Variants in CDH23 observed in about 807,000 individuals in gnomAD.
The protein encoded by CDH23 is cadherin-23.
A neutral mutation model predicts 317.1 loss-of-function variants in CDH23; 189 were observed. The observed-to-expected ratio is 0.60, with a 90% CI of 0.53 to 0.67. The LOEUF (loss-of-function observed/expected upper bound fraction) is 0.67. Among genes scored for constraint, CDH23 ranks in the 30% least tolerant of loss-of-function variants. CDH23 has a pLI of 0.00. For synonymous variants in CDH23, 1,839 were observed against 1,876.8 expected (o/e 0.98, Z 0.52); for missense variants, 4,401 against 4,592.4 (o/e 0.96, Z 1.20).
intron 24 of CDH23, among the ~76,000 whole-genome samples, 158 bp from the exon 25 acceptor site, chr10:71,704,753 G>A (rs1027143277): frequency 6.6e-6 from 1 of 152,192 alleles, no homozygotes; most frequent in African/African-American, 2.4e-5. Flanking sequence ...CTGGGAGGGT[G>A]CCCTGGGGAC....
chr10:71,598,035 A>C (rs945963329), intron 9 of CDH23, among the ~76,000 whole-genome samples: 4 of 152,228 alleles, frequency 2.6e-5, no homozygotes, highest in Non-Finnish European at 5.9e-5. Context: ...AGCCTTGCCA[A>C]CTTGGCAGCT....
chr10:71,716,623 CA>C (rs1236738681), intron 28 of CDH23: 6 of 351,936 alleles, frequency 1.7e-5, no homozygotes, highest in African/African-American at 1.1e-4. Flanking sequence ...GGCCTGTCCG[CA>C]TTTTCAAATC....
chr10:71,569,195 AC>A (rs1218896946), intron 7 of CDH23, among the ~76,000 whole-genome samples: 1 of 151,948 alleles, frequency 6.6e-6, no homozygotes, highest in African/African-American at 2.4e-5. Context: ...CTGCTTCCAG[AC>A]CTTCCTCTCC....
chr10:71,706,154 C>T (rs1396636563), intron 25 of CDH23, among the ~76,000 whole-genome samples: 1 of 152,178 alleles, frequency 6.6e-6, no homozygotes, highest in Non-Finnish European at 1.5e-5. Context: ...CTGGTGATAC[C>T]ATTCAGAGGA....
intron 6 of CDH23, among the ~76,000 whole-genome samples, chr10:71,520,231 G>A (rs944915988): frequency 6.6e-6 from 1 of 152,198 alleles, no homozygotes; most frequent in African/African-American, 2.4e-5. Context: ...GGCATTGGTG[G>A]TCAGGAAACT....
intron 45 of CDH23, among the ~76,000 whole-genome samples, chr10:71,789,260 C>T (rs938086330): frequency 6.6e-6 from 1 of 152,188 alleles, no homozygotes; most frequent in African/African-American, 2.4e-5. Context: ...AAGAGACAGT[C>T]GTGGTCATTG....
chr10:71,524,354 A>G (rs920713937), intron 6 of CDH23, among the ~76,000 whole-genome samples: 2 of 152,114 alleles, frequency 1.3e-5, no homozygotes, highest in African/African-American at 2.4e-5. Context: ...GAGGAATTCC[A>G]TGAACCAGCC....
intron 6 of CDH23, among the ~76,000 whole-genome samples, chr10:71,566,499 T>C (rs1857407344): frequency 6.6e-6 from 1 of 150,636 alleles, no homozygotes; most frequent in Non-Finnish European, 1.5e-5. Flanking sequence ...GAACTCTAGG[T>C]TAAGCAAATC....
chr10:71,789,154 G>A (rs1841178169), intron 45 of CDH23, 112 bp downstream of exon 45: 3 of 622,374 alleles, frequency 4.8e-6, no homozygotes, highest in Non-Finnish European at 8.6e-6. Context: ...AGACCCCAGT[G>A]GGTGCGGGAG....
rs767052814 is a variant in CDH23, at chr10:71,810,551, G to A, written c.9059G>A (p.Arg3020His). 2.2e-5 allele frequency: 35 copies of A among 1,613,706 alleles called. No individual in the cohort carries two copies. Among genetic ancestry groups the A allele is most frequent in the Middle Eastern group, 1.6e-4 (1 of 6,082 alleles). The change falls in exon 62 of 70, where the codon CGC (arginine) becomes CAC (histidine). Residue 3020 changes from arginine to histidine, a missense_variant. Transcript: ENST00000224721. ...LIHVVNRDTNRILDVDRVIQM... is the reference protein window; with the variant it reads ...LIHVVNRDTNHILDVDRVIQM... ...CACGTGGTGAACCGCGATACCAACC[G>A]CATCCTGGACGTGGACCGGTGAGTC...
chr10:71,737,851 G>T, intron 34 of CDH23: 1 of 459,324 alleles, frequency 2.2e-6, no homozygotes. Context: ...ATATGCTCTT[G>T]CGTGCCATTT....
chr10:71,774,095 G>A lies in CDH23; in HGVS notation c.4846-3585G>A, dbSNP rs149038388. On this transcript the variant is annotated intron_variant, in intron 38 of 69. Coordinates refer to ENST00000224721, the MANE Select transcript of CDH23 (RefSeq NM_022124.6). ...CACACACACACACACACACAGAACA[G>A]GTGCAGGACTACACGCCAAGATCAG... 6.7e-4 allele frequency among the ~76,000 whole-genome samples: 100 copies of A among 149,332 alleles called. 1 individual carries two copies. Among genetic ancestry groups the A allele is most frequent in the African/African-American group, 1.8e-3 (73 of 40,248 alleles).
chr10:71,756,967 C>T (rs1482532442), intron 38 of CDH23, among the ~76,000 whole-genome samples: 1 of 152,264 alleles, frequency 6.6e-6, no homozygotes. Context: ...CCCACTGGTA[C>T]AGGAACAGTT....
At chr10:71,773,331 C>A in intron 38 of CDH23, 1 of 1,584,592 alleles carries the variant, frequency 6.3e-7, no homozygotes, top group East Asian at 2.3e-5. Context: ...CAGCTTTTTC[C>A]CAGCGCCCCG....
rs554962854 is a variant in CDH23 at position 71,613,395 on chromosome 10, T to C, written c.833-2109T>C. 2.6e-5 allele frequency among the ~76,000 whole-genome samples: 4 copies of C among 152,322 alleles called. No individual in the cohort carries two copies. In the South Asian group the frequency reaches 8.3e-4, roughly 32 times the overall value. The stretch of plus-strand genomic sequence containing the variant: ...AGGAAGCCTTAGGCAAGGGGATAGC[T>C]ACAGTGACACCCCCTCCTGGGCTGG... On this transcript the variant is annotated intron_variant, in intron 9 of 69. Coordinates refer to ENST00000224721, the MANE Select transcript of CDH23 (RefSeq NM_022124.6).
At chr10:71,535,866 C>G (rs1855672846) in intron 6 of CDH23, among the ~76,000 whole-genome samples, 1 of 152,270 alleles carries the variant, frequency 6.6e-6, no homozygotes, top group South Asian at 2.1e-4. Context: ...AGGCAGCTCT[C>G]TCCACACGGT....
chr10:71,544,857 A>T (rs1856185494), intron 6 of CDH23, among the ~76,000 whole-genome samples: 1 of 152,168 alleles, frequency 6.6e-6, no homozygotes, highest in South Asian at 2.1e-4. Context: ...GAGCCCATCG[A>T]ATGATGTTCC....
intron 27 of CDH23, 102 bp downstream of exon 27, chr10:71,709,313 G>A (rs1399985988): frequency 3.0e-6 from 3 of 1,002,398 alleles, no homozygotes; most frequent in Non-Finnish European, 4.4e-6. Flanking sequence ...ACTCTGCCCA[G>A]ATGCCAGTGG....
At chr10:71,698,334 A>AC (rs1488714162) in intron 22 of CDH23, among the ~76,000 whole-genome samples, 1 of 152,178 alleles carries the variant, frequency 6.6e-6, no homozygotes, top group Admixed American at 6.5e-5. Flanking sequence ...CTTGGAGAGG[A>AC]CCCCCTGGAG....
Sources: allele counts gnomAD v4.1 joint callset (sites outside exome capture counted in the v4.1 genomes callset), GRCh38; gene constraint gnomAD v4.1.1; transcripts MANE v1.5; gene names NCBI Gene and HGNC (gene_info 2026-07-23, HGNC 2026-07-21).